Variants in ACSS1 observed in about 807,000 individuals in gnomAD.
ACSS1 encodes the protein acetyl-coenzyme A synthetase 2-like, mitochondrial.
Under a neutral mutation model 75.3 loss-of-function variants are expected in ACSS1, and 42 were observed. That is an observed-to-expected ratio of 0.56 (90% CI 0.44 to 0.72). The LOEUF is 0.72. ACSS1 is among the 30% of genes least tolerant of loss of function. ACSS1 has a pLI of 0.00. For synonymous variants in ACSS1, 380 were observed against 376.8 expected (o/e 1.01, Z -0.10); for missense variants, 782 against 935.7 (o/e 0.84, Z 2.14).
intron 1 of ACSS1, among the ~76,000 whole-genome samples, chr20:25,048,740 C>T (rs544200290): frequency 1.3e-5 from 2 of 152,338 alleles, no homozygotes; most frequent in East Asian, 1.9e-4. Context: ...CAAGAAGTGG[C>T]TCGTGATGGG....
At chr20:25,048,694 C>T (rs377664327) in intron 1 of ACSS1, among the ~76,000 whole-genome samples, 9 of 152,362 alleles carry the variant, frequency 5.9e-5, no homozygotes, top group East Asian at 1.9e-4. Flanking sequence ...AACTCCCCCA[C>T]GTGTTCCACG....
chr20:25,052,524 A>T (rs2089189065), intron 1 of ACSS1, among the ~76,000 whole-genome samples: 1 of 152,240 alleles, frequency 6.6e-6, no homozygotes, highest in Non-Finnish European at 1.5e-5. Flanking sequence ...TTCCTTTATC[A>T]TGTAGACTGG....
Position 25,023,630 on chromosome 20 carries a change from C to T in ACSS1, c.643G>A (p.Val215Met), listed in dbSNP as rs1015127662. 1 of 1,604,612 alleles carries T rather than the reference C, an allele frequency of 6.2e-7. No homozygotes were observed. Among genetic ancestry groups the T allele is most frequent in the African/African-American group, 1.3e-5 (1 of 74,754 alleles). ...AGRINDAKCK[V>M]VITFNQGLRG... ...AGTCCTTGGTTGAAGGTGATAACCACCTTGCACTTGGCTAACAGAGACAAC... is the reference window on the plus strand; with the variant it reads ...AGTCCTTGGTTGAAGGTGATAACCATCTTGCACTTGGCTAACAGAGACAAC... Residue 215 changes from valine to methionine, a missense_variant, in exon 4 of 14, where the codon GTG becomes ATG. Val to Met is a conservative substitution (Grantham distance 21, BLOSUM62 1). Transcript: ENST00000323482.
At chr20:25,008,044 C>G (rs1379489125) in intron 13 of ACSS1, 103 bp from the exon 14 acceptor site, 1 of 1,407,172 alleles carries the variant, frequency 7.1e-7, no homozygotes, top group Non-Finnish European at 9.5e-7. Flanking sequence ...GGGGGATGCC[C>G]TCCCGGGGAT....
chr20:25,033,822 G>A (rs1357908863), intron 2 of ACSS1, among the ~76,000 whole-genome samples: 2 of 152,242 alleles, frequency 1.3e-5, no homozygotes, highest in Non-Finnish European at 2.9e-5. Context: ...TGGCTGTTGG[G>A]AGGAGGACTG....
intron 2 of ACSS1, among the ~76,000 whole-genome samples, chr20:25,036,196 C>T (rs1366544071): frequency 6.6e-6 from 1 of 152,202 alleles, no homozygotes; most frequent in Non-Finnish European, 1.5e-5. Flanking sequence ...CCGGGTCAAG[C>T]TTTTGGTGCA....
At chr20:25,053,302 C>T (rs933612106) in intron 1 of ACSS1, among the ~76,000 whole-genome samples, 2 of 150,448 alleles carry the variant, frequency 1.3e-5, no homozygotes, top group East Asian at 1.9e-4. Flanking sequence ...TGGGCTCAAG[C>T]GATCTGCCCA....
chr20:25,057,952 C>T lies in ACSS1; in HGVS notation c.151G>A (p.Ala51Thr). The T allele has an allele frequency of 6.3e-7, 1 of 1,598,066 alleles. No homozygotes were observed. Among genetic ancestry groups the T allele is most frequent in the Non-Finnish European group, 8.5e-7 (1 of 1,172,988 alleles). Residue 51 changes from alanine (A) to threonine (T), a missense_variant, in exon 1 of 14, where the codon GCA (alanine) becomes ACA (threonine). Ala to Thr is a moderately conservative substitution (Grantham distance 58). Coordinates refer to ENST00000323482, the MANE Select transcript of ACSS1 (RefSeq NM_032501.4). ...PSGSAPAVAA[A>T]AAQPGSYPAL... ...GGATACGAGCCTGGCTGTGCTGCTG[C>T]TGCTGCAACTGCGGGAGCGCTGCCC...
intron 12 of ACSS1, chr20:25,009,961 TCTGCTGGGCAGCACGGGC>T (rs2088376375): frequency 6.5e-6 from 1 of 153,524 alleles, no homozygotes; most frequent in African/African-American, 2.4e-5. Context: ...AGCTGAGAGT[TCTGCTGGGCAGCACGGGC>T]CAGCCCACAT....
rs143499608 is a variant in ACSS1, at chr20:25,017,006, G to A, written c.1247-1776C>T. On this transcript the variant is annotated intron_variant, in intron 7 of 13. Coordinates refer to ENST00000323482, the MANE Select transcript of ACSS1 (RefSeq NM_032501.4). The stretch of plus-strand genomic sequence containing the variant: ...TTTTTTTTTTTCTTTTTTTTTGAGA[G>A]AGAGAGACAAGGATCTTGCTCTGTT... 1.3e-3 allele frequency among the ~76,000 whole-genome samples: 197 copies of A among 150,522 alleles called. 1 individual carries two copies. Among genetic ancestry groups the A allele is most frequent in the African/African-American group, 4.6e-3 (187 of 40,896 alleles).
intron 3 of ACSS1, among the ~76,000 whole-genome samples, 176 bp downstream of exon 3, chr20:25,030,583 C>A (rs2088803682): frequency 6.6e-6 from 1 of 152,260 alleles, no homozygotes. Context: ...GCACTCAGAT[C>A]TCAGCCCACA....
At chr20:25,032,111 T>C (rs1252345310) in intron 2 of ACSS1, among the ~76,000 whole-genome samples, 1 of 152,104 alleles carries the variant, frequency 6.6e-6, no homozygotes, top group African/African-American at 2.4e-5. Flanking sequence ...GGGAAAGCAC[T>C]GGGCACAAGG....
At chr20:25,034,579 T>A (rs1260889440) in intron 2 of ACSS1, among the ~76,000 whole-genome samples, 1 of 152,136 alleles carries the variant, frequency 6.6e-6, no homozygotes, top group Non-Finnish European at 1.5e-5. Context: ...TTAACCTTTT[T>A]TTTTTTGAGG....
At chr20:25,037,216 G>C (rs1264869459) in intron 2 of ACSS1, among the ~76,000 whole-genome samples, 1 of 152,140 alleles carries the variant, frequency 6.6e-6, no homozygotes, top group African/African-American at 2.4e-5. Context: ...CATCCACCTA[G>C]CTCATATAAG....
At chr20:25,054,119 T>G (rs950892126) in intron 1 of ACSS1, among the ~76,000 whole-genome samples, 1 of 152,248 alleles carries the variant, frequency 6.6e-6, no homozygotes, top group Admixed American at 6.5e-5. Context: ...CTGTCTACCC[T>G]GCCCAGTGAG....
chr20:25,043,757 C>A (rs888514073), intron 2 of ACSS1, among the ~76,000 whole-genome samples: 1 of 152,214 alleles, frequency 6.6e-6, no homozygotes, highest in African/African-American at 2.4e-5. Flanking sequence ...CTCACAGACT[C>A]GGGGCCCAGC....
intron 8 of ACSS1, 36 bp downstream of exon 8, chr20:25,015,102 C>A: frequency 6.4e-7 from 1 of 1,572,560 alleles, no homozygotes. Flanking sequence ...GCAGACCCAG[C>A]ACTTAGACCG....
Position 25,013,804 on chromosome 20 carries a change from C to T in ACSS1, c.1453-142G>A, listed in dbSNP as rs1226684770. 7 of 1,350,288 alleles carry T rather than the reference C, an allele frequency of 5.2e-6. No homozygotes were observed. In the Admixed American group the frequency reaches 1.1e-4, roughly 21 times the overall value. The allele number at this position is 1,350,288 out of a possible 1,614,324, so 83.6% of individuals were successfully genotyped here. ...GAGGGCCCCAAGCCACCTGTGTGGC[C>T]ACTACCCAGTGCATGATACCAGCTG... On this transcript the variant is annotated intron_variant, in intron 9 of 13. Transcript: ENST00000323482.
At chr20:25,041,061 A>G (rs911751757) in intron 2 of ACSS1, among the ~76,000 whole-genome samples, 2 of 152,170 alleles carry the variant, frequency 1.3e-5, no homozygotes, top group Non-Finnish European at 2.9e-5. Flanking sequence ...GATTGAGACC[A>G]TCCTGGCTAA....
Sources: allele counts gnomAD v4.1 joint callset (sites outside exome capture counted in the v4.1 genomes callset), GRCh38; gene constraint gnomAD v4.1.1; transcripts MANE v1.5; gene names NCBI Gene and HGNC (gene_info 2026-07-23, HGNC 2026-07-21).